Variants in ASAP1 observed in about 807,000 individuals in gnomAD.
ASAP1 encodes ArfGAP with SH3 domain, ankyrin repeat and PH domain 1, also known as arf-GAP with SH3 domain, ANK repeat and PH domain-containing protein 1.
Under a neutral mutation model 145.2 loss-of-function variants are expected in ASAP1, and 43 were observed. The observed-to-expected ratio is 0.30, with a 90% CI of 0.23 to 0.38. The LOEUF (loss-of-function observed/expected upper bound fraction) is 0.38, where lower values mean the gene tolerates loss of function less well. ASAP1 is among the 10% of genes least tolerant of loss of function. The pLI is 1.00. For missense variants in ASAP1, 1,018 were observed against 1,355.3 expected, an observed-to-expected ratio of 0.75 and a Z score of 3.91; for synonymous variants, 546 against 515.5, an observed-to-expected ratio of 1.06 and a Z score of -0.80.
intron 28 of ASAP1, among the ~76,000 whole-genome samples, chr8:130,058,454 T>C (rs991816913): frequency 6.6e-6 from 1 of 152,172 alleles, no homozygotes; most frequent in African/African-American, 2.4e-5. Flanking sequence ...AAAAATGTTT[T>C]TAGGAAACAT....
intron 22 of ASAP1, 116 bp downstream of exon 22, chr8:130,116,562 T>C (rs2097556366): frequency 3.5e-6 from 3 of 865,450 alleles, no homozygotes. Context: ...TGATTTTCTT[T>C]AGCAAGTGTT....
At chr8:130,068,783 G>A (rs1201822182) in intron 27 of ASAP1, among the ~76,000 whole-genome samples, 1 of 152,182 alleles carries the variant, frequency 6.6e-6, no homozygotes, top group East Asian at 1.9e-4. Flanking sequence ...TAGCTGATAT[G>A]CTCTGTATGC....
At chr8:130,377,208 T>C (rs556115474) in intron 2 of ASAP1, among the ~76,000 whole-genome samples, 1 of 152,044 alleles carries the variant, frequency 6.6e-6, no homozygotes, top group Non-Finnish European at 1.5e-5. Flanking sequence ...ACAGTGAACT[T>C]TGGGGACTCA....
chr8:130,205,912 C>T (rs1445678757), intron 5 of ASAP1, among the ~76,000 whole-genome samples: 1 of 152,018 alleles, frequency 6.6e-6, no homozygotes, highest in Non-Finnish European at 1.5e-5. Context: ...ATACCTATAC[C>T]TGCAGATATC....
At chr8:130,361,672 T>C in intron 2 of ASAP1, 1 of 1,529,550 alleles carries the variant, frequency 6.5e-7, no homozygotes, top group South Asian at 1.2e-5. Context: ...CTACTCACCA[T>C]TTCTGGGCCA....
intron 3 of ASAP1, among the ~76,000 whole-genome samples, chr8:130,337,538 T>G (rs1455977090): frequency 6.6e-6 from 1 of 152,202 alleles, no homozygotes; most frequent in Non-Finnish European, 1.5e-5. Context: ...ATGTCCATGA[T>G]AATTAACAGA....
chr8:130,386,798 T>C (rs557037645), intron 2 of ASAP1: 2 of 152,296 alleles, frequency 1.3e-5, no homozygotes, highest in East Asian at 3.9e-4. Context: ...TGCAGTAACT[T>C]TGTAAACCTC....
At chr8:130,413,825 A>G (rs1412188029) in intron 1 of ASAP1, among the ~76,000 whole-genome samples, 1 of 152,234 alleles carries the variant, frequency 6.6e-6, no homozygotes, top group East Asian at 1.9e-4. Context: ...ACATCTAATG[A>G]GTGCCGATTA....
chr8:130,152,615 G>A, intron 13 of ASAP1, 121 bp downstream of exon 13: 2 of 555,910 alleles, frequency 3.6e-6, no homozygotes, highest in South Asian at 8.6e-5. Context: ...TTTGGTAAAG[G>A]AATATCTAAA....
intron 4 of ASAP1, among the ~76,000 whole-genome samples, chr8:130,222,369 T>C (rs1817343777): frequency 6.6e-6 from 1 of 152,216 alleles, no homozygotes; most frequent in Non-Finnish European, 1.5e-5. Context: ...CTGCTACTTA[T>C]TAAGCACTGA....
intron 27 of ASAP1, among the ~76,000 whole-genome samples, chr8:130,068,018 G>GA: frequency 6.6e-6 from 1 of 152,114 alleles, no homozygotes; most frequent in Non-Finnish European, 1.5e-5. Flanking sequence ...AAGGGTGGGG[G>GA]ATCAGGAATC....
chr8:130,441,969 T>C (rs77099181), intron 1 of ASAP1, among the ~76,000 whole-genome samples: 2,256 of 152,290 alleles, frequency 0.015, 31 homozygotes, highest in East Asian at 0.023. Flanking sequence ...GTTTCTATTT[T>C]GCACAAAAGA....
intron 24 of ASAP1, among the ~76,000 whole-genome samples, chr8:130,108,089 C>G (rs577890509): frequency 6.6e-6 from 1 of 152,182 alleles, no homozygotes; most frequent in Non-Finnish European, 1.5e-5. Context: ...CTCTGTGGCA[C>G]CAACCCTTCA....
chr8:130,387,956 G>C (rs1474974041), intron 2 of ASAP1, among the ~76,000 whole-genome samples: 1 of 152,200 alleles, frequency 6.6e-6, no homozygotes, highest in Non-Finnish European at 1.5e-5. Context: ...ATACACAAGA[G>C]AACAAACAAT....
At chr8:130,197,219 G>C (rs1372947453) in intron 5 of ASAP1, among the ~76,000 whole-genome samples, 1 of 152,244 alleles carries the variant, frequency 6.6e-6, no homozygotes, top group Non-Finnish European at 1.5e-5. Flanking sequence ...CTTGAGTTCA[G>C]GAGTTCGAGA....
intron 1 of ASAP1, among the ~76,000 whole-genome samples, chr8:130,415,002 C>T (rs777907431): frequency 3.3e-5 from 5 of 152,272 alleles, no homozygotes; most frequent in Non-Finnish European, 7.3e-5. Flanking sequence ...AGGTGATCCC[C>T]CCACCTTGGC....
At chr8:130,346,791 GCAGCTGCTGGGC>G (rs1447751785) in intron 3 of ASAP1, among the ~76,000 whole-genome samples, 1 of 144,528 alleles carries the variant, frequency 6.9e-6, no homozygotes, top group Non-Finnish European at 1.5e-5. Context: ...TAAAGCAGCA[GCAGCTGCTGGGC>G]CAGCAGTGAG....
rs1053945686 is a variant in ASAP1, at chr8:130,374,417, T to A, written c.60-16274A>T. Reference sequence around the variant, plus strand: ...GGGACCAGTGGCTCACACCTGTAATTCCAGCACCTTGGGAGTCCAAGGCAG... The same window carrying A: ...GGGACCAGTGGCTCACACCTGTAATACCAGCACCTTGGGAGTCCAAGGCAG... On this transcript the variant is annotated intron_variant, in intron 2 of 29. Coordinates refer to ENST00000518721, the MANE Select transcript of ASAP1 (RefSeq NM_018482.4). Among the ~76,000 whole-genome samples, 4 of 152,324 alleles carry A rather than the reference T, an allele frequency of 2.6e-5. No homozygotes were observed. The East Asian group carries it at 7.7e-4, about 29-fold the overall frequency.
intron 4 of ASAP1, among the ~76,000 whole-genome samples, chr8:130,236,282 T>A (rs1818209169): frequency 2.0e-5 from 3 of 152,258 alleles, no homozygotes; most frequent in African/African-American, 7.2e-5. Flanking sequence ...GCTTCTCTTC[T>A]ACAGTGCTGG....
Sources: allele counts gnomAD v4.1 joint callset (sites outside exome capture counted in the v4.1 genomes callset), GRCh38; gene constraint gnomAD v4.1.1; transcripts MANE v1.5; gene names NCBI Gene and HGNC (gene_info 2026-07-23, HGNC 2026-07-21).